The following THSD4 variants were observed in gnomAD, a reference collection of about 807,000 sequenced individuals.
The protein encoded by THSD4 is thrombospondin type-1 domain-containing protein 4.
A neutral mutation model predicts 119.0 loss-of-function variants in THSD4; 69 were observed. The observed-to-expected ratio is 0.58, with a 90% confidence interval of 0.48 to 0.71. The LOEUF (loss-of-function observed/expected upper bound fraction) is 0.71. Ranked by LOEUF, THSD4 falls within the 30% of genes least tolerant of loss-of-function variation. The pLI, the probability that THSD4 is intolerant of heterozygous loss-of-function variation, is 0.00. For missense variants in THSD4, 1,393 were observed against 1,391.1 expected, an observed-to-expected ratio of 1.00 and a Z score of -0.02; for synonymous variants, 524 against 540.4, an observed-to-expected ratio of 0.97 and a Z score of 0.42.
At chr15:71,331,220 G>A (rs918165847) in intron 6 of THSD4, among the ~76,000 whole-genome samples, 2 of 152,162 alleles carry the variant, frequency 1.3e-5, no homozygotes, top group Non-Finnish European at 2.9e-5. Flanking sequence ...ACAGAGGGGC[G>A]GCTGCCCTTC....
intron 3 of THSD4, among the ~76,000 whole-genome samples, chr15:71,200,894 G>T (rs10468047): frequency 6.6e-6 from 1 of 152,152 alleles, no homozygotes; most frequent in African/African-American, 2.4e-5. Flanking sequence ...GCCATGTCTC[G>T]CGAGCAGCCG....
chr15:71,508,592 T>C (rs1268212363), intron 7 of THSD4, among the ~76,000 whole-genome samples: 4 of 152,198 alleles, frequency 2.6e-5, no homozygotes, highest in African/African-American at 9.6e-5. Flanking sequence ...TGGGAGGTCA[T>C]TGAACCTGTA....
chr15:71,539,028 C>A (rs1367493289), intron 7 of THSD4, among the ~76,000 whole-genome samples: 2 of 152,228 alleles, frequency 1.3e-5, no homozygotes, highest in Non-Finnish European at 2.9e-5. Context: ...AAGTGCTGAT[C>A]CAGCCAGGCT....
intron 8 of THSD4, among the ~76,000 whole-genome samples, chr15:71,718,768 C>T (rs2052659783): frequency 6.6e-6 from 1 of 152,070 alleles, no homozygotes; most frequent in South Asian, 2.1e-4. Context: ...CCCCCAATGC[C>T]CTTCCTTCAT....
At chr15:71,643,358 T>C (rs2050903399) in intron 7 of THSD4, among the ~76,000 whole-genome samples, 1 of 152,218 alleles carries the variant, frequency 6.6e-6, no homozygotes, top group South Asian at 2.1e-4. Context: ...GTTTGTTGTA[T>C]AGGTAAACTC....
chr15:71,291,050 C>T (rs977891855), intron 6 of THSD4, among the ~76,000 whole-genome samples: 1 of 151,964 alleles, frequency 6.6e-6, no homozygotes, highest in African/African-American at 2.4e-5. Flanking sequence ...GTGAATTATC[C>T]AGTTAGGATA....
chr15:71,706,627 CGAGGTAGACA>C (rs1281227777), intron 8 of THSD4, among the ~76,000 whole-genome samples: 2 of 152,042 alleles, frequency 1.3e-5, no homozygotes, highest in Non-Finnish European at 2.9e-5. Context: ...GAACTGGACC[CGAGGTAGACA>C]GAGGTTGGAG....
intron 7 of THSD4, among the ~76,000 whole-genome samples, chr15:71,421,578 T>C (rs2046808152): frequency 6.6e-6 from 1 of 152,234 alleles, no homozygotes; most frequent in Admixed American, 6.5e-5. Flanking sequence ...TTCTTTTCTC[T>C]TGCTGCTTTT....
At chr15:71,520,491 G>A (rs1007098853) in intron 7 of THSD4, among the ~76,000 whole-genome samples, 1 of 152,190 alleles carries the variant, frequency 6.6e-6, no homozygotes, top group African/African-American at 2.4e-5. Context: ...GGCAAGAAGA[G>A]TTTCGTCTAA....
chr15:71,291,650 A>T (rs1023388341), intron 6 of THSD4, among the ~76,000 whole-genome samples: 7 of 152,134 alleles, frequency 4.6e-5, no homozygotes, highest in African/African-American at 1.7e-4. Context: ...TCCAATGTTA[A>T]TCTTGTCCAG....
At chr15:71,386,116 A>G (rs2046290497) in intron 6 of THSD4, among the ~76,000 whole-genome samples, 2 of 152,354 alleles carry the variant, frequency 1.3e-5, no homozygotes, top group South Asian at 4.1e-4. Context: ...TGAAGATTGA[A>G]TAAATGCCAA....
chr15:71,259,565 C>G lies in THSD4; in HGVS notation c.1015+2850C>G, dbSNP rs536580473. Among the ~76,000 whole-genome samples the G allele has an allele frequency of 1.1e-4, 17 of 152,314 alleles. No individual in the cohort carries two copies. The South Asian group carries it at 3.1e-3, about 28-fold the overall frequency. ...GTGAGCAACTGCCTCAACTGGCTCA[C>G]AGATGTAGGTCTGTCCAGCACAGTG... On this transcript the variant is annotated intron_variant, in intron 6 of 17. Coordinates refer to ENST00000261862, the MANE Select transcript of THSD4 (RefSeq NM_024817.3).
intron 5 of THSD4, among the ~76,000 whole-genome samples, chr15:71,246,078 C>T (rs565376118): frequency 4.6e-5 from 7 of 152,158 alleles, no homozygotes; most frequent in Non-Finnish European, 1.0e-4. Context: ...AAAAGGTATA[C>T]AGATGCCGAG....
intron 15 of THSD4, among the ~76,000 whole-genome samples, chr15:71,759,586 A>T (rs937274169): frequency 2.6e-5 from 4 of 152,250 alleles, no homozygotes; most frequent in Admixed American, 1.3e-4. Flanking sequence ...AGTAAAATAC[A>T]TAGGACCTAA....
intron 6 of THSD4, among the ~76,000 whole-genome samples, chr15:71,346,925 G>A (rs1051722192): frequency 3.2e-4 from 41 of 129,820 alleles, no homozygotes; most frequent in African/African-American, 1.1e-3. Context: ...CCAGGTTGGA[G>A]TGCAATGGTG....
intron 7 of THSD4, among the ~76,000 whole-genome samples, chr15:71,528,618 G>T (rs4238440): frequency 0.82 from 124,211 of 152,156 alleles, 52,704 homozygotes; most frequent in East Asian, 0.95. Context: ...ACTGTATAAA[G>T]GTTCTTTTCC....
chr15:71,367,127 A>G (rs1169700863), intron 6 of THSD4, among the ~76,000 whole-genome samples: 2 of 152,210 alleles, frequency 1.3e-5, no homozygotes, highest in African/African-American at 4.8e-5. Context: ...GAACACAGGA[A>G]CAACCCATTG....
At chr15:71,459,864 T>C (rs2047402990) in intron 7 of THSD4, among the ~76,000 whole-genome samples, 1 of 152,192 alleles carries the variant, frequency 6.6e-6, no homozygotes, top group Non-Finnish European at 1.5e-5. Flanking sequence ...ATAAGCTTTA[T>C]ACATTTAATT....
chr15:71,568,238 C>A (rs1009781379), intron 7 of THSD4, among the ~76,000 whole-genome samples: 7 of 152,242 alleles, frequency 4.6e-5, no homozygotes, highest in South Asian at 2.1e-4. Flanking sequence ...CCACAGAATT[C>A]TTGCCCATAC....
Sources: gnomAD v4.1 joint callset for allele counts (sites outside exome capture counted in the v4.1 genomes callset) on GRCh38, gnomAD v4.1.1 for gene constraint, MANE v1.5 for transcripts, NCBI Gene and HGNC (gene_info 2026-07-23, HGNC 2026-07-21) for gene names.